Variants in MACROH2A1 observed in about 807,000 individuals in gnomAD.
MACROH2A1 encodes the protein core histone macro-H2A.1.
A neutral mutation model predicts 31.6 loss-of-function variants in MACROH2A1; 2 were observed. That is an observed-to-expected ratio of 0.06 (90% confidence interval 0.03 to 0.20). The LOEUF is 0.20. Among genes scored for constraint, MACROH2A1 ranks in the 10% least tolerant of loss-of-function variants. The probability of loss-of-function intolerance (pLI) is 1.00; values close to 1 mark genes in which losing one functional copy is unlikely to be tolerated. For synonymous variants in MACROH2A1, 169 were observed against 189.6 expected (o/e 0.89, Z 0.89); for missense variants, 230 against 474.0 (o/e 0.49, Z 4.78).
At chr5:135,350,515 T>A (rs1046592931) in intron 6 of MACROH2A1, among the ~76,000 whole-genome samples, 2 of 152,140 alleles carry the variant, frequency 1.3e-5, no homozygotes, top group Non-Finnish European at 2.9e-5. Context: ...TTCCTGCAGC[T>A]GAAATCATCT....
At chr5:135,379,715 T>C (rs1051628751) in intron 2 of MACROH2A1, among the ~76,000 whole-genome samples, 2 of 152,190 alleles carry the variant, frequency 1.3e-5, no homozygotes, top group Non-Finnish European at 2.9e-5. Context: ...ATTTGTGGAA[T>C]TCTTACCTTC....
intron 7 of MACROH2A1, chr5:135,343,643 T>A: frequency 1.4e-6 from 1 of 703,232 alleles, no homozygotes; most frequent in Non-Finnish European, 2.3e-6. Context: ...CATTATGATG[T>A]GTCACCACCA....
intron 2 of MACROH2A1, among the ~76,000 whole-genome samples, chr5:135,378,333 C>G (rs922941927): frequency 3.9e-5 from 6 of 152,250 alleles, no homozygotes; most frequent in African/African-American, 1.4e-4. Flanking sequence ...CAGGGGACTT[C>G]GCCCCTCCTG....
At chr5:135,388,590 T>C (rs1403711659) in intron 2 of MACROH2A1, among the ~76,000 whole-genome samples, 1 of 152,214 alleles carries the variant, frequency 6.6e-6, no homozygotes, top group Non-Finnish European at 1.5e-5. Context: ...AAATGGATCC[T>C]GGATTAGGAA....
intron 6 of MACROH2A1, chr5:135,346,543 G>T (rs148395393): frequency 6.2e-6 from 1 of 161,116 alleles, no homozygotes; most frequent in East Asian, 1.8e-4. Context: ...GGCCTAGAAG[G>T]AAGTGTTCAT....
At position 135,391,592 on chromosome 5, in the gene MACROH2A1, C is replaced by T. The variant is rs998527173; in HGVS notation, c.-33-2466G>A. ...TCTCTATGCCAGTGCAACACCTGGC[C>T]GCTGAGCCTCAGAGCTCTGTTCTGA... On this transcript the variant is annotated intron_variant, in intron 1 of 8. Coordinates refer to ENST00000511689, the MANE Select transcript of MACROH2A1 (RefSeq NM_138610.3). Among the ~76,000 whole-genome samples the T allele has an allele frequency of 3.3e-5, 5 of 152,218 alleles. No individual in the cohort carries two copies. The East Asian group carries it at 7.7e-4, about 23-fold the overall frequency.
intron 2 of MACROH2A1, among the ~76,000 whole-genome samples, chr5:135,377,855 TC>T (rs1276592396): frequency 2.0e-5 from 3 of 152,130 alleles, no homozygotes; most frequent in Admixed American, 2.0e-4. Flanking sequence ...ATCCTGCTTC[TC>T]CCAAAAAATG....
intron 8 of MACROH2A1, 119 bp from the exon 9 acceptor site, chr5:135,335,260 G>A: frequency 1.4e-6 from 1 of 700,862 alleles, no homozygotes; most frequent in Non-Finnish European, 2.5e-6. Context: ...GTCGGTGTCT[G>A]TTGAGCCCCG....
chr5:135,395,604 T>C (rs1767858883), intron 1 of MACROH2A1, among the ~76,000 whole-genome samples: 2 of 152,198 alleles, frequency 1.3e-5, no homozygotes, highest in Admixed American at 1.3e-4. Context: ...CAGCATTCTC[T>C]TCCCTCTTCC....
chr5:135,391,763 C>T (rs1263820573), intron 1 of MACROH2A1, among the ~76,000 whole-genome samples: 2 of 152,196 alleles, frequency 1.3e-5, no homozygotes, highest in East Asian at 1.9e-4. Flanking sequence ...CCCCACAGCA[C>T]CCAAGCATTA....
intron 2 of MACROH2A1, among the ~76,000 whole-genome samples, chr5:135,385,516 T>C (rs1420294087): frequency 1.3e-5 from 2 of 152,176 alleles, no homozygotes; most frequent in East Asian, 3.8e-4. Context: ...CTGCCTAGTG[T>C]TGGAGCACAA....
intron 7 of MACROH2A1, 190 bp from the exon 8 acceptor site, chr5:135,343,624 G>C (rs1052502918): frequency 4.6e-6 from 4 of 870,756 alleles, no homozygotes; most frequent in South Asian, 1.8e-5. Context: ...CACACCCTTG[G>C]AAAGTTGGCA....
At chr5:135,359,094 T>G in intron 5 of MACROH2A1, 1 of 985,410 alleles carries the variant, frequency 1.0e-6, no homozygotes, top group Non-Finnish European at 1.2e-6. Flanking sequence ...TTTTAGTTCA[T>G]CCAGCAAGGG....
Position 135,360,233 on chromosome 5 carries a change from G to C in MACROH2A1, c.588+264C>G, listed in dbSNP as rs145028809. On this transcript the variant is annotated intron_variant, in intron 5 of 8. Coordinates refer to ENST00000511689, the MANE Select transcript of MACROH2A1 (RefSeq NM_138610.3). The stretch of plus-strand genomic sequence containing the variant: ...GCAGCTCCTCCTCCAGACTAACCAA[G>C]GGTCCCCATCTCCCACAGGAGCTGC... The C allele has an allele frequency of 1.8e-3, 920 of 503,498 alleles. 7 individuals are homozygous for C. Among genetic ancestry groups the C allele is most frequent in the African/African-American group, 0.016 (837 of 51,588 alleles). The allele number at this position is 503,498 out of a possible 1,614,324, so 31.2% of individuals were successfully genotyped here.
At chr5:135,367,452 A>G (rs2149833684) in intron 4 of MACROH2A1, among the ~76,000 whole-genome samples, 1 of 152,388 alleles carries the variant, frequency 6.6e-6, no homozygotes. Context: ...TTCCAAATAT[A>G]GCTACTAGGA....
chr5:135,340,892 G>A (rs1209209409), intron 8 of MACROH2A1, among the ~76,000 whole-genome samples: 1 of 152,174 alleles, frequency 6.6e-6, no homozygotes, highest in Non-Finnish European at 1.5e-5. Flanking sequence ...GATGTGGCCT[G>A]GGTAGCTGTA....
intron 8 of MACROH2A1, among the ~76,000 whole-genome samples, chr5:135,340,476 C>A (rs1456939758): frequency 6.6e-6 from 1 of 152,170 alleles, no homozygotes; most frequent in Non-Finnish European, 1.5e-5. Context: ...AGAGGGGTCA[C>A]CCCTAATGTG....
chr5:135,352,889 T>G (rs1761747987), intron 6 of MACROH2A1, 57 bp downstream of exon 6: 2 of 935,382 alleles, frequency 2.1e-6, no homozygotes, highest in Non-Finnish European at 3.6e-6. Flanking sequence ...GCCTAAATTC[T>G]GGGTTCCATA....
At chr5:135,371,507 G>A (rs1490972016) in intron 2 of MACROH2A1, among the ~76,000 whole-genome samples, 2 of 152,184 alleles carry the variant, frequency 1.3e-5, no homozygotes, top group Non-Finnish European at 2.9e-5. Flanking sequence ...TGATTTACCT[G>A]CCATCTGGGC....
Sources: gnomAD v4.1 joint callset for allele counts (sites outside exome capture counted in the v4.1 genomes callset) on GRCh38, gnomAD v4.1.1 for gene constraint, MANE v1.5 for transcripts, NCBI Gene and HGNC (gene_info 2026-07-23, HGNC 2026-07-21) for gene names.